Variants in PIK3C2B observed in about 807,000 individuals in gnomAD.
The protein encoded by PIK3C2B is phosphatidylinositol 4-phosphate 3-kinase C2 domain-containing subunit beta.
PIK3C2B carries 83 observed loss-of-function variants against 184.3 expected under a neutral mutation model. That is an observed-to-expected ratio of 0.45 (90% CI 0.38 to 0.54). The LOEUF (loss-of-function observed/expected upper bound fraction) is 0.54. Among genes scored for constraint, PIK3C2B ranks in the 20% least tolerant of loss-of-function variants. The pLI is 0.00. For missense variants in PIK3C2B, 1,736 were observed against 2,113.5 expected (o/e 0.82, Z 3.50); for synonymous variants, 779 against 837.6 (o/e 0.93, Z 1.21).
At chr1:204,460,925 T>C (rs113380641) in intron 5 of PIK3C2B, among the ~76,000 whole-genome samples, 3 of 152,294 alleles carry the variant, frequency 2.0e-5, no homozygotes, top group African/African-American at 7.2e-5. Context: ...ATTACCCGTG[T>C]GGTAATCACT....
intron 12 of PIK3C2B, among the ~76,000 whole-genome samples, chr1:204,451,786 C>A (rs1376516480): frequency 6.6e-6 from 1 of 152,184 alleles, no homozygotes; most frequent in African/African-American, 2.4e-5. Flanking sequence ...GCACGTATCC[C>A]CATGTATCAG....
intron 16 of PIK3C2B, among the ~76,000 whole-genome samples, chr1:204,445,686 C>T (rs1441772694): frequency 1.3e-5 from 2 of 151,128 alleles, no homozygotes; most frequent in Non-Finnish European, 1.5e-5. Flanking sequence ...CAATCCAGCA[C>T]ACAGAGCAAA....
intron 16 of PIK3C2B, among the ~76,000 whole-genome samples, chr1:204,444,868 T>A (rs1354671102): frequency 5.9e-5 from 9 of 152,334 alleles, no homozygotes; most frequent in Non-Finnish European, 1.3e-4. Flanking sequence ...TATAAGCCAA[T>A]AAACCTTGGC....
In PIK3C2B at chr1:204,459,858, G is replaced by A; in HGVS notation, c.1566+20C>T. The A allele has an allele frequency of 3.7e-6, 6 of 1,607,820 alleles. No individual in the cohort carries two copies. The highest frequency in any genetic ancestry group is 1.1e-5 in the South Asian group (1 of 90,884). On this transcript the variant is annotated intron_variant, in intron 8 of 32. Coordinates refer to ENST00000684373, the MANE Select transcript of PIK3C2B (RefSeq NM_001377334.1). The stretch of plus-strand genomic sequence containing the variant: ...GAGGAGCTTTCGGGCAGCAGGGCCA[G>A]CCCCTGGATTCGTACTCACATCAGC...
At chr1:204,425,398 G>C (rs1398898184) in intron 32 of PIK3C2B, among the ~76,000 whole-genome samples, 2 of 152,176 alleles carry the variant, frequency 1.3e-5, no homozygotes, top group African/African-American at 4.8e-5. Flanking sequence ...GGGACAGATA[G>C]TAAATATTTT....
intron 1 of PIK3C2B, among the ~76,000 whole-genome samples, chr1:204,479,979 C>T (rs868039619): frequency 3.3e-4 from 50 of 152,328 alleles, no homozygotes; most frequent in Middle Eastern, 3.4e-3. Flanking sequence ...GGAGAGGCCA[C>T]GGCAGAGGAG....
At chr1:204,439,595 AT>A in intron 22 of PIK3C2B, among the ~76,000 whole-genome samples, 1 of 152,268 alleles carries the variant, frequency 6.6e-6, no homozygotes, top group African/African-American at 2.4e-5. Flanking sequence ...CTCAATCTAT[AT>A]TCAAACTTCC....
At chr1:204,454,639 TG>T in intron 12 of PIK3C2B, 29 bp downstream of exon 12, 1 of 1,610,814 alleles carries the variant, frequency 6.2e-7, no homozygotes, top group Non-Finnish European at 8.5e-7. Context: ...TACAGTGGCC[TG>T]GGCACTGAAG....
intron 16 of PIK3C2B, 136 bp downstream of exon 16, chr1:204,445,820 G>A (rs186877494): frequency 3.7e-6 from 2 of 539,456 alleles, no homozygotes; most frequent in East Asian, 3.0e-5. Flanking sequence ...AAGCAAAAAG[G>A]AGAAATGGAA....
Position 204,431,466 on chromosome 1 carries a change from T to A in PIK3C2B, c.4280+203A>T, listed in dbSNP as rs577123705. The A allele has an allele frequency of 1.4e-4, 86 of 616,590 alleles. 2 individuals carry two copies. The South Asian group carries it at 1.5e-3, about 10-fold the overall frequency. The allele number at this position is 616,590 out of a possible 1,614,324, so 38.2% of individuals were successfully genotyped here. ...TGCCTTCCTTTCTGGCCAGTGGGCC[T>A]GGAGTGAGAGCTCTTGCGTGCAAGG... On this transcript the variant is annotated intron_variant, in intron 28 of 32. Transcript: ENST00000684373.
chr1:204,482,002 G>A (rs1211041655), intron 1 of PIK3C2B, among the ~76,000 whole-genome samples: 3 of 151,782 alleles, frequency 2.0e-5, no homozygotes, highest in East Asian at 1.9e-4. Flanking sequence ...CCCTCCCAGG[G>A]CCATTTGCAT....
intron 16 of PIK3C2B, among the ~76,000 whole-genome samples, chr1:204,445,157 G>A (rs1417679320): frequency 1.3e-5 from 2 of 149,490 alleles, no homozygotes; most frequent in African/African-American, 4.9e-5. Flanking sequence ...CTCAGCCAAT[G>A]TACAGGTAAA....
chr1:204,455,990 T>A lies in PIK3C2B; in HGVS notation c.1809A>T (p.Thr603=), dbSNP rs1267592830. ...CTGCCGTCTGGAAGTCTGCGTTGAA[T>A]GTGTTGCAGTACAGCTCCACCAGGT... ...ILDLVELYCN[T]FNADFQTAVP... The change falls in exon 11 of 33, where the codon ACA becomes ACT. Residue 603 remains threonine, a synonymous_variant. Transcript: ENST00000684373. The A allele has an allele frequency of 1.2e-6, 2 of 1,614,044 alleles. No individual in the cohort carries two copies. The highest frequency in any genetic ancestry group is 2.2e-5 in the East Asian group (1 of 44,884).
Position 204,465,221 on chromosome 1 carries a change from A to T in PIK3C2B, c.1032T>A (p.Asp344Glu), listed in dbSNP as rs777305606. 4 of 1,581,204 alleles carry T rather than the reference A, an allele frequency of 2.5e-6. No individual in the cohort carries two copies. Among genetic ancestry groups the T allele is most frequent in the African/African-American group, 2.7e-5 (2 of 73,974 alleles). The change falls in exon 3 of 33, where the codon GAT becomes GAA. Residue 344 changes from aspartate (D) to glutamate (E), a missense_variant and splice_region_variant. Coordinates refer to ENST00000684373, the MANE Select transcript of PIK3C2B (RefSeq NM_001377334.1). ...EEVAAFCHMLDILRSGSDIQD... is the reference protein window; with the variant it reads ...EEVAAFCHMLEILRSGSDIQD... ...CCACCCCATTCTTTAACTCTTACAT[A>T]TCCAGCATGTGGCAAAATGCAGCAA...
intron 1 of PIK3C2B, among the ~76,000 whole-genome samples, chr1:204,485,659 C>T (rs933481886): frequency 6.6e-6 from 1 of 151,824 alleles, no homozygotes; most frequent in Non-Finnish European, 1.5e-5. Context: ...CTGCAACTTC[C>T]ACCTCCCAGG....
intron 2 of PIK3C2B, chr1:204,467,321 T>TA (rs1655889594): frequency 5.8e-6 from 1 of 172,528 alleles, no homozygotes; most frequent in Admixed American, 5.6e-5. Flanking sequence ...GCAGGGCCTT[T>TA]AAAAATCCCT....
chr1:204,468,154 G>A (rs372875781), intron 2 of PIK3C2B, among the ~76,000 whole-genome samples: 7 of 152,150 alleles, frequency 4.6e-5, no homozygotes, highest in Admixed American at 1.3e-4. Flanking sequence ...AGGGTTGCAC[G>A]ACAATGTGAA....
At chr1:204,428,943 G>A (rs1270744074) in intron 29 of PIK3C2B, 1 of 454,654 alleles carries the variant, frequency 2.2e-6, no homozygotes. Context: ...GAAAAAACAG[G>A]CCGAGCGCAG....
At chr1:204,465,437 C>T in intron 2 of PIK3C2B, 118 bp from the exon 3 acceptor site, 1 of 673,272 alleles carries the variant, frequency 1.5e-6, no homozygotes, top group South Asian at 1.8e-5. Flanking sequence ...ACTCGACATC[C>T]AATGAAAGGG....
Sources: gnomAD v4.1 joint callset for allele counts (sites outside exome capture counted in the v4.1 genomes callset) on GRCh38, gnomAD v4.1.1 for gene constraint, MANE v1.5 for transcripts, NCBI Gene and HGNC (gene_info 2026-07-23, HGNC 2026-07-21) for gene names.